Variants in RCL1 observed in about 807,000 individuals in gnomAD.
RCL1 encodes the protein RNA 3'-terminal phosphate cyclase-like protein.
RCL1 carries 24 observed loss-of-function variants against 42.4 expected under a neutral mutation model. The observed-to-expected ratio is 0.57, with a 90% confidence interval of 0.41 to 0.80. RCL1 has a LOEUF of 0.80. RCL1 is among the 30% of genes least tolerant of loss of function. The pLI is 0.00. For missense variants in RCL1, 578 were observed against 467.9 expected (o/e 1.24, Z -2.17); for synonymous variants, 228 against 177.3 (o/e 1.29, Z -2.27).
chr9:4,860,185 GCC>G lies in RCL1; in HGVS notation c.1033_1034del (p.Pro345MetfsTer3). On this transcript the variant is annotated frameshift_variant, in exon 9 of 9. Transcript: ENST00000381750. LOFTEE classifies it high-confidence loss of function. Reference protein sequence around the residue: ...FQIMFKIETKPCGEELKGGDK... With the variant: ...FQIMFKIETKXCGEELKGGDK... The stretch of plus-strand genomic sequence containing the variant: ...AGATTATGTTTAAAATTGAAACCAA[GCC>G]ATGTGGTGAAGAACTCAAGGGTGGG... The G allele has an allele frequency of 1.9e-6, 3 of 1,611,854 alleles. No homozygotes were observed. In the South Asian group the frequency reaches 3.3e-5, roughly 18 times the overall value.
intron 8 of RCL1, among the ~76,000 whole-genome samples, chr9:4,855,687 A>G (rs1341977101): frequency 2.0e-5 from 3 of 152,118 alleles, no homozygotes; most frequent in Admixed American, 6.6e-5. Flanking sequence ...CCCAGCTGCC[A>G]GAGACATAGG....
intron 3 of RCL1, among the ~76,000 whole-genome samples, chr9:4,828,647 G>T (rs7849721): frequency 6.6e-6 from 1 of 151,858 alleles, no homozygotes; most frequent in Non-Finnish European, 1.5e-5. Context: ...AGAGAGAAAG[G>T]TGCCTCAAAC....
intron 1 of RCL1, among the ~76,000 whole-genome samples, chr9:4,821,982 G>A (rs1816610750): frequency 6.6e-6 from 1 of 152,346 alleles, no homozygotes; most frequent in East Asian, 1.9e-4. Flanking sequence ...AAATGGGAAT[G>A]ACACTCTGTG....
rs1476507138 is a variant in RCL1 at position 4,834,235 on chromosome 9, C to T, written c.554C>T (p.Pro185Leu). Residue 185 changes from proline to leucine, a missense_variant, in exon 5 of 9, where the codon CCA (proline) becomes CTA (leucine). Pro to Leu is a moderately conservative substitution (Grantham distance 98). Coordinates refer to ENST00000381750, the MANE Select transcript of RCL1 (RefSeq NM_005772.5). ...KVLKPIQLTD[P>L]GKIKRIRGMA... Reference sequence around the variant, plus strand: ...TTGAAGCCCATTCAACTCACAGATCCAGGAAAAATCAAACGTATTAGAGGA... The same window carrying T: ...TTGAAGCCCATTCAACTCACAGATCTAGGAAAAATCAAACGTATTAGAGGA... 1 of 1,613,192 alleles carries T rather than the reference C, an allele frequency of 6.2e-7. No homozygotes were observed. The highest frequency in any genetic ancestry group is 8.5e-7 in the Non-Finnish European group (1 of 1,179,480).
rs1221772233 is a variant in RCL1 at position 4,834,206 on chromosome 9, G to A, written c.525G>A (p.Lys175=). The A allele has an allele frequency of 6.2e-7, 1 of 1,613,636 alleles. No individual in the cohort carries two copies. Among genetic ancestry groups the A allele is most frequent in the Non-Finnish European group, 8.5e-7 (1 of 1,179,800 alleles). ...GEVVFSCPVR[K]VLKPIQLTDP... is the part of the protein sequence containing the mutation. Reference sequence around the variant, plus strand: ...TGGTTTTCTCATGTCCTGTGAGGAAGGTCTTGAAGCCCATTCAACTCACAG... The same window carrying A: ...TGGTTTTCTCATGTCCTGTGAGGAAAGTCTTGAAGCCCATTCAACTCACAG... The change falls in exon 5 of 9, where the codon AAG becomes AAA. Residue 175 remains lysine, a synonymous_variant. Coordinates refer to ENST00000381750, the MANE Select transcript of RCL1 (RefSeq NM_005772.5).
At chr9:4,831,077 G>C (rs1816927003) in intron 3 of RCL1, among the ~76,000 whole-genome samples, 1 of 152,150 alleles carries the variant, frequency 6.6e-6, no homozygotes, top group African/African-American at 2.4e-5. Context: ...GAATTGTCTA[G>C]GGTCTAACAG....
chr9:4,853,213 G>A (rs1039214416), intron 8 of RCL1, among the ~76,000 whole-genome samples: 1 of 152,088 alleles, frequency 6.6e-6, no homozygotes, highest in African/African-American at 2.4e-5. Context: ...TACAGGTGAT[G>A]GGATTGAGGC....
intron 8 of RCL1, among the ~76,000 whole-genome samples, chr9:4,857,597 G>A (rs966513320): frequency 2.0e-5 from 3 of 152,186 alleles, no homozygotes; most frequent in Non-Finnish European, 4.4e-5. Context: ...TTGTGTGGGT[G>A]TATGTTTTCA....
At chr9:4,840,963 G>A (rs369424048) in intron 5 of RCL1, among the ~76,000 whole-genome samples, 27 of 152,262 alleles carry the variant, frequency 1.8e-4, no homozygotes, top group African/African-American at 6.5e-4. Flanking sequence ...TCTAGGGGAA[G>A]CGTGTGGGTA....
rs891539167 is a variant in RCL1 at position 4,793,020 on chromosome 9, G to A, written c.-72G>A. Reference sequence around the variant, plus strand: ...CGGTGTCGCCGCCACCACCACCATCGGAGTCACGAGTCCCGCGTCTGTCCG... The same window carrying A: ...CGGTGTCGCCGCCACCACCACCATCAGAGTCACGAGTCCCGCGTCTGTCCG... On this transcript the variant is annotated 5_prime_UTR_variant, in exon 1 of 9. Transcript: ENST00000381750. The A allele has an allele frequency of 2.6e-6, 4 of 1,521,764 alleles. No individual in the cohort carries two copies. Among genetic ancestry groups the A allele is most frequent in the Non-Finnish European group, 3.5e-6 (4 of 1,128,316 alleles). 94.3% of individuals were successfully genotyped at this position (1,521,764 alleles called of 1,614,324 possible). A position where few individuals can be genotyped will look rare whatever the true frequency, so the allele number is the denominator to read the frequency against.
intron 2 of RCL1, among the ~76,000 whole-genome samples, chr9:4,825,429 A>G (rs951170553): frequency 3.3e-5 from 5 of 152,150 alleles, no homozygotes; most frequent in Admixed American, 6.5e-5. Context: ...GGCCCTTACA[A>G]CTATTTCAGA....
At chr9:4,845,321 T>G (rs1474439454) in intron 7 of RCL1, among the ~76,000 whole-genome samples, 1 of 152,226 alleles carries the variant, frequency 6.6e-6, no homozygotes, top group African/African-American at 2.4e-5. Flanking sequence ...AAACTGATGT[T>G]GAAGACAGAC....
chr9:4,834,272 T>A lies in RCL1; in HGVS notation c.584+7T>A. On this transcript the variant is annotated splice_region_variant and intron_variant, in intron 5 of 8. Transcript: ENST00000381750. ...AACGTATTAGAGGAATGGCGTATCC[T>A]TTCCATTTATTTGGATTTCTTTTTT... 1.2e-6 allele frequency: 2 copies of A among 1,601,554 alleles called. No homozygotes were observed. Among genetic ancestry groups the A allele is most frequent in the Non-Finnish European group, 1.7e-6 (2 of 1,174,394 alleles).
Position 4,793,136 on chromosome 9 carries a change from C to A in RCL1, c.45C>A (p.Phe15Leu). The A allele has an allele frequency of 1.9e-6, 3 of 1,612,326 alleles. No homozygotes were observed. The highest frequency in any genetic ancestry group is 2.5e-6 in the Non-Finnish European group (3 of 1,179,336). Residue 15 changes from phenylalanine (F) to leucine (L), a missense_variant, in exon 1 of 9, where the codon TTC (phenylalanine) becomes TTA (leucine). Physicochemically the swap from Phe to Leu is conservative, Grantham distance 22. Coordinates refer to ENST00000381750, the MANE Select transcript of RCL1 (RefSeq NM_005772.5). The stretch of plus-strand genomic sequence containing the variant: ...CCCTCAGCTACGCAGGGTGCAACTT[C>A]TTGCGCCAACGTCTGGTCCTGTCTA... ...AHSLSYAGCN[F>L]LRQRLVLSTL...
intron 2 of RCL1, among the ~76,000 whole-genome samples, chr9:4,825,134 C>T (rs1408466534): frequency 6.6e-6 from 1 of 151,636 alleles, no homozygotes; most frequent in African/African-American, 2.4e-5. Context: ...CCATCCACCT[C>T]AGCCTTCCAA....
intron 1 of RCL1, among the ~76,000 whole-genome samples, chr9:4,822,244 C>T (rs1314993994): frequency 6.6e-6 from 1 of 152,220 alleles, no homozygotes; most frequent in African/African-American, 2.4e-5. Context: ...TAGGTGACTA[C>T]TGGACTGTGT....
chr9:4,830,073 G>C (rs546604959), intron 3 of RCL1, among the ~76,000 whole-genome samples: 1 of 152,336 alleles, frequency 6.6e-6, no homozygotes, highest in African/African-American at 2.4e-5. Flanking sequence ...AGAAGTATTT[G>C]GAGAAGCCAA....
At chr9:4,855,608 G>A (rs1325822497) in intron 8 of RCL1, among the ~76,000 whole-genome samples, 1 of 152,124 alleles carries the variant, frequency 6.6e-6, no homozygotes, top group Non-Finnish European at 1.5e-5. Flanking sequence ...TCTTAAGGAG[G>A]CTGTTTGCTG....
intron 4 of RCL1, 90 bp downstream of exon 4, chr9:4,833,318 G>T (rs1817013671): frequency 5.2e-6 from 5 of 964,414 alleles, no homozygotes; most frequent in Admixed American, 3.5e-5. Context: ...CAGTGTATGT[G>T]TGTCACATTT....
Sources: allele counts gnomAD v4.1 joint callset (sites outside exome capture counted in the v4.1 genomes callset), GRCh38; gene constraint gnomAD v4.1.1; transcripts MANE v1.5; gene names NCBI Gene and HGNC (gene_info 2026-07-23, HGNC 2026-07-21).